ERCC5: variants seen among roughly 807,000 people sequenced by gnomAD.
ERCC5 encodes ERCC excision repair 5, endonuclease.
ERCC5 carries 68 observed loss-of-function variants against 105.6 expected under a neutral mutation model. The ratio of observed to expected loss-of-function variants is 0.64; its 90% confidence interval spans 0.53 to 0.79. The LOEUF (loss-of-function observed/expected upper bound fraction) is 0.79, where lower values mean the gene tolerates loss of function less well. ERCC5 is among the 30% of genes least tolerant of loss of function. The probability of loss-of-function intolerance (pLI) is 0.00; values close to 1 mark genes in which losing one functional copy is unlikely to be tolerated. For synonymous variants in ERCC5, 546 were observed against 526.2 expected (o/e 1.04, Z -0.51); for missense variants, 1,373 against 1,426.7 (o/e 0.96, Z 0.61).
chr13:102,854,794 C>A (rs1241512895), intron 4 of ERCC5, among the ~76,000 whole-genome samples: 1 of 152,198 alleles, frequency 6.6e-6, no homozygotes, highest in Admixed American at 6.5e-5. Context: ...GTGTGCTCGA[C>A]TTCTCTGCAC....
intron 9 of ERCC5, 130 bp from the exon 10 acceptor site, chr13:102,866,132 C>T (rs1486395585): frequency 1.4e-6 from 2 of 1,475,682 alleles, no homozygotes; most frequent in Non-Finnish European, 1.9e-6. Flanking sequence ...CTTGGTTAGA[C>T]ATCCAGTGGA....
At chr13:102,852,695 T>G (rs1302140013) in intron 2 of ERCC5, among the ~76,000 whole-genome samples, 1 of 152,204 alleles carries the variant, frequency 6.6e-6, no homozygotes, top group African/African-American at 2.4e-5. Context: ...AGCCTTCTTT[T>G]AAGGGGAATT....
Position 102,846,347 on chromosome 13 carries a change from G to T in ERCC5, c.81G>T (p.Leu27=). ...CCGAAGCGCTGGAAGGGAAGATCCT[G>T]GCTGTTGGTATCCTTAACGCCGCGT... ...VSPEALEGKI[L]AVDISIWLNQ... is the part of the protein sequence containing the mutation. The change falls in exon 1 of 15, where the codon CTG becomes CTT. Residue 27 remains leucine (L), a synonymous_variant. Transcript: ENST00000652225. 1 of 1,614,076 alleles carries T rather than the reference G, an allele frequency of 6.2e-7. No homozygotes were observed. The highest frequency in any genetic ancestry group is 2.2e-5 in the East Asian group (1 of 44,882).
At chr13:102,849,455 G>A (rs1319552098) in intron 1 of ERCC5, 2 of 518,644 alleles carry the variant, frequency 3.9e-6, no homozygotes, top group Non-Finnish European at 7.7e-6. Context: ...TATATCCCTA[G>A]GGTCTTGGAT....
chr13:102,873,938 C>A (rs1490842897), intron 14 of ERCC5, among the ~76,000 whole-genome samples: 1 of 152,156 alleles, frequency 6.6e-6, no homozygotes, highest in Admixed American at 6.5e-5. Context: ...AACCACTTAG[C>A]AGAAATGAGA....
chr13:102,873,316 T>G lies in ERCC5; in HGVS notation c.2937T>G (p.Pro979=). The change falls in exon 14 of 15, where the codon CCT becomes CCG. Residue 979 remains proline (P), a synonymous_variant. Transcript: ENST00000652225. ...NRTKTDESLF[P]VLKQLDAQQT... ...CGAAGACAGATGAATCTCTGTTTCCTGTATTAAAGCAACTCGATGCCCAGC... is the reference window on the plus strand; with the variant it reads ...CGAAGACAGATGAATCTCTGTTTCCGGTATTAAAGCAACTCGATGCCCAGC... 1.9e-6 allele frequency: 3 copies of G among 1,614,146 alleles called. No homozygotes were observed. In the East Asian group the frequency reaches 6.7e-5, roughly 36 times the overall value.
intron 12 of ERCC5, among the ~76,000 whole-genome samples, chr13:102,870,715 A>C (rs1376615844): frequency 1.3e-5 from 2 of 152,028 alleles, no homozygotes; most frequent in Admixed American, 6.5e-5. Context: ...TGTTGTTATA[A>C]TACTTTGAAG....
At chr13:102,872,479 A>G (rs768978988) in intron 13 of ERCC5, 81 bp downstream of exon 13, 1 of 1,542,780 alleles carries the variant, frequency 6.5e-7, no homozygotes, top group Non-Finnish European at 8.8e-7. Flanking sequence ...AGAAACTTGG[A>G]TCATTTTTTT....
At chr13:102,852,381 C>G in intron 2 of ERCC5, 88 bp downstream of exon 2, 1 of 1,497,768 alleles carries the variant, frequency 6.7e-7, no homozygotes, top group East Asian at 2.3e-5. Flanking sequence ...TTTGTTTTCT[C>G]TTTAGAATTT....
chr13:102,862,113 A>G lies in ERCC5; in HGVS notation c.964A>G (p.Lys322Glu). ...AATGCACGGCATGTCTTTTGACGTG[A>G]AGTCATCTCCATGTGAAAAACTGAA... Reference protein sequence around the residue: ...SKMHGMSFDVKSSPCEKLKTE... With the variant: ...SKMHGMSFDVESSPCEKLKTE... The change falls in exon 8 of 15, where the codon AAG (lysine) becomes GAG (glutamate). Residue 322 changes from lysine to glutamate, a missense_variant. Physicochemically the swap from Lys to Glu is moderately conservative, Grantham distance 56. Around this residue, in one of 3 missense-constraint regions of ERCC5, gnomAD observed 1,004 missense variants for 1,059.7 expected, o/e 0.95. Coordinates refer to ENST00000652225, the MANE Select transcript of ERCC5 (RefSeq NM_000123.4). 6.2e-7 allele frequency: 1 copy of G among 1,614,232 alleles called. No individual in the cohort carries two copies. The highest frequency in any genetic ancestry group is 8.5e-7 in the Non-Finnish European group (1 of 1,180,034).
At chr13:102,866,093 G>A in intron 9 of ERCC5, 169 bp from the exon 10 acceptor site, 1 of 1,459,126 alleles carries the variant, frequency 6.9e-7, no homozygotes, top group Non-Finnish European at 9.4e-7. Flanking sequence ...ATGTGGTTTA[G>A]TGATGAATCT....
At chr13:102,854,255 C>T (rs1252874081) in intron 3 of ERCC5, 33 bp from the exon 4 acceptor site, 1 of 1,610,608 alleles carries the variant, frequency 6.2e-7, no homozygotes, top group Admixed American at 1.7e-5. Context: ...GCAGGGTCTG[C>T]ATAATCTGTT....
At position 102,862,200 on chromosome 13, in the gene ERCC5, G is replaced by A. The variant is rs778313769; in HGVS notation, c.1051G>A (p.Ala351Thr). Residue 351 changes from alanine to threonine, a missense_variant, in exon 8 of 15, where the codon GCC becomes ACC. Ala to Thr is a moderately conservative substitution (Grantham distance 58). Coordinates refer to ENST00000652225, the MANE Select transcript of ERCC5 (RefSeq NM_000123.4). ...AAGAACTTTACTAGCTATGCAAGCT[G>A]CCCTGCTGGGAAGTAGCTCAGAAGA... ...SPRTLLAMQA[A>T]LLGSSSEEEL... 5 of 1,614,198 alleles carry A rather than the reference G, an allele frequency of 3.1e-6. No homozygotes were observed.
Position 102,866,680 on chromosome 13 carries a change from G to A in ERCC5, c.2368G>A (p.Ala790Thr), listed in dbSNP as rs776420024. 13 of 1,614,154 alleles carry A rather than the reference G, an allele frequency of 8.1e-6. No individual in the cohort carries two copies. The highest frequency in any genetic ancestry group is 6.7e-5 in the African/African-American group (5 of 75,064). Residue 790 changes from alanine to threonine, a missense_variant, in exon 11 of 15, where the codon GCA becomes ACA. By Grantham distance (58) the Ala-to-Thr change is moderately conservative. Transcript: ENST00000652225. ...TCCCTACATCCAGGCTCCCATGGAA[G>A]CAGAGGCGCAGTGCGCCATCCTGGA... is the stretch of plus-strand genomic sequence containing the variant. Reference protein sequence around the residue: ...GIPYIQAPMEAEAQCAILDLT... With the variant: ...GIPYIQAPMETEAQCAILDLT...
In ERCC5 at chr13:102,846,092, G is replaced by A. The variant is rs1881944509; in HGVS notation, c.-175G>A. On this transcript the variant is annotated 5_prime_UTR_variant, in exon 1 of 15. An upstream start codon of the reference 5' UTR is lost. Coordinates refer to ENST00000652225, the MANE Select transcript of ERCC5 (RefSeq NM_000123.4). ...GCAGCCAGAGTCTCTCCGCTTTAAT[G>A]CGCTCCCATTAGTGCCGTCCCCCAC... 3.3e-6 allele frequency: 2 copies of A among 603,526 alleles called. No homozygotes were observed. Among genetic ancestry groups the A allele is most frequent in the South Asian group, 4.0e-5 (2 of 50,408 alleles). The allele number at this position is 603,526 out of a possible 1,614,324, so 37.4% of individuals were successfully genotyped here. A position where few individuals can be genotyped will look rare whatever the true frequency, so the allele number is the denominator to read the frequency against.
intron 1 of ERCC5, among the ~76,000 whole-genome samples, chr13:102,847,637 A>G (rs1418999251): frequency 1.3e-5 from 2 of 152,236 alleles, no homozygotes; most frequent in Non-Finnish European, 2.9e-5. Context: ...GTTTTTATAC[A>G]GGGTACTTTG....
chr13:102,866,382 G>A lies in ERCC5; in HGVS notation c.2319+1G>A, dbSNP rs1331288512. 6.2e-7 allele frequency: 1 copy of A among 1,613,998 alleles called. No individual in the cohort carries two copies. Among genetic ancestry groups the A allele is most frequent in the Non-Finnish European group, 8.5e-7 (1 of 1,179,962 alleles). On this transcript the variant is annotated splice_donor_variant, in intron 10 of 14. Transcript: ENST00000652225. LOFTEE classifies it high-confidence loss of function. ...CGGACAGATGTTCCTGGAAAGCCAG[G>A]TGGGTGCAGGCAGCTTGGGTTTCCT...
Position 102,875,612 on chromosome 13 carries a change from G to C in ERCC5, c.3270G>C (p.Glu1090Asp), listed in dbSNP as rs765804443. The change falls in exon 15 of 15, where the codon GAG (glutamate) becomes GAC (aspartate). Residue 1090 changes from glutamate to aspartate, a missense_variant. Coordinates refer to ENST00000652225, the MANE Select transcript of ERCC5 (RefSeq NM_000123.4). ...GKNTCGGFLG[E>D]TCLSESSDGS... ...ATACATGCGGTGGATTTTTGGGGGA[G>C]ACCTGCCTCTCAGAATCATCTGATG... 6.2e-7 allele frequency: 1 copy of C among 1,613,692 alleles called. No homozygotes were observed. The highest frequency in any genetic ancestry group is 2.2e-5 in the East Asian group (1 of 44,878).
At position 102,861,462 on chromosome 13, in the gene ERCC5, T is replaced by C. The variant is rs376790336; in HGVS notation, c.673-45T>C. 6 of 1,595,486 alleles carry C rather than the reference T, an allele frequency of 3.8e-6. No individual in the cohort carries two copies. In the African/African-American group the frequency reaches 8.1e-5, roughly 21 times the overall value. ...GGTGGAAATATGGTAATATTATCTG[T>C]ATTTAATATAAAACAGTAATTTTGT... On this transcript the variant is annotated intron_variant, in intron 6 of 14. Transcript: ENST00000652225.
Sources: allele counts gnomAD v4.1 joint callset (sites outside exome capture counted in the v4.1 genomes callset), GRCh38; gene constraint gnomAD v4.1.1; regional missense constraint gnomAD v4.1.1; transcripts MANE v1.5; gene names NCBI Gene and HGNC (gene_info 2026-07-23, HGNC 2026-07-21).